The following ADGRL3 variants were observed in gnomAD, a reference collection of about 807,000 sequenced individuals.
ADGRL3 encodes the protein adhesion G protein-coupled receptor L3.
Under a neutral mutation model 153.5 loss-of-function variants are expected in ADGRL3, and 62 were observed. That is an observed-to-expected ratio of 0.40 (90% CI 0.33 to 0.50). The LOEUF (loss-of-function observed/expected upper bound fraction) is 0.50, where lower values mean the gene tolerates loss of function less well. Among genes scored for constraint, ADGRL3 ranks in the 20% least tolerant of loss-of-function variants. The pLI, the probability that ADGRL3 is intolerant of heterozygous loss-of-function variation, is 0.47. For synonymous variants in ADGRL3, 710 were observed against 672.5 expected, an observed-to-expected ratio of 1.06 and a Z score of -0.86; for missense variants, 1,641 against 1,859.4, an observed-to-expected ratio of 0.88 and a Z score of 2.16.
chr4:61,391,237 G>A (rs2096798108), intron 2 of ADGRL3, among the ~76,000 whole-genome samples: 1 of 152,158 alleles, frequency 6.6e-6, no homozygotes, highest in African/African-American at 2.4e-5. Context: ...GGAATTTACT[G>A]TCATGGCAGA....
intron 9 of ADGRL3, among the ~76,000 whole-genome samples, chr4:61,847,276 G>T (rs769270537): frequency 1.3e-5 from 2 of 151,518 alleles, no homozygotes; most frequent in Non-Finnish European, 2.9e-5. Flanking sequence ...TCCTAGGTAT[G>T]AAATTTCCAA....
chr4:61,371,071 T>C (rs1341078561), intron 1 of ADGRL3, among the ~76,000 whole-genome samples: 2 of 150,690 alleles, frequency 1.3e-5, no homozygotes, highest in African/African-American at 4.9e-5. Context: ...TTTTTTGTTT[T>C]CCATTTGCTT....
intron 6 of ADGRL3, among the ~76,000 whole-genome samples, chr4:61,708,675 A>G (rs574687507): frequency 2.6e-4 from 40 of 152,306 alleles, no homozygotes; most frequent in Middle Eastern, 6.8e-3. Context: ...AGAATACAAA[A>G]ACAATAAAAA....
intron 5 of ADGRL3, among the ~76,000 whole-genome samples, chr4:61,675,700 A>G (rs2095167136): frequency 6.8e-6 from 1 of 146,248 alleles, no homozygotes; most frequent in East Asian, 2.0e-4. Context: ...CAATGTGTAT[A>G]TTCATGGGAA....
At position 61,998,165 on chromosome 4, in the gene ADGRL3, G is replaced by A. The variant is rs369379598; in HGVS notation, c.3304-9G>A. 48 of 1,484,826 alleles carry A rather than the reference G, an allele frequency of 3.2e-5. No homozygotes were observed. Among genetic ancestry groups the A allele is most frequent in the Middle Eastern group, 1.8e-4 (1 of 5,616 alleles). 92.0% of individuals were successfully genotyped at this position (1,484,826 alleles called of 1,614,324 possible). ...ATTATGCTACATAACACTACCTTTTGCATTCCAGCTTAATGTAATCTTCCT... is the reference window on the plus strand; with the variant it reads ...ATTATGCTACATAACACTACCTTTTACATTCCAGCTTAATGTAATCTTCCT... On this transcript the variant is annotated splice_polypyrimidine_tract_variant and intron_variant, in intron 20 of 26. Coordinates refer to ENST00000683033, the MANE Select transcript of ADGRL3 (RefSeq NM_001387552.1).
chr4:61,365,729 A>G (rs1248241085), intron 1 of ADGRL3, among the ~76,000 whole-genome samples: 3 of 152,356 alleles, frequency 2.0e-5, no homozygotes, highest in East Asian at 3.9e-4. Context: ...GTAGATCACC[A>G]GTTAGTATCT....
chr4:61,569,232 ATTTATT>A (rs2098828782), intron 4 of ADGRL3, among the ~76,000 whole-genome samples: 1 of 152,144 alleles, frequency 6.6e-6, no homozygotes, highest in Non-Finnish European at 1.5e-5. Flanking sequence ...TTATGATAAA[ATTTATT>A]TTTATTATTT....
chr4:61,596,509 G>A lies in ADGRL3; in HGVS notation c.473+9069G>A, dbSNP rs2098989653. 2.6e-5 allele frequency among the ~76,000 whole-genome samples: 4 copies of A among 152,184 alleles called. No individual in the cohort carries two copies. In the South Asian group the frequency reaches 8.3e-4, roughly 32 times the overall value. ...ATTCTGATTTTATTTTTCATTCTCT[G>A]CCAGAGCTCAACTTACACTGAAAAC... On this transcript the variant is annotated intron_variant, in intron 5 of 26. Coordinates refer to ENST00000683033, the MANE Select transcript of ADGRL3 (RefSeq NM_001387552.1).
At chr4:61,570,428 T>G (rs193298238) in intron 4 of ADGRL3, among the ~76,000 whole-genome samples, 67 of 152,264 alleles carry the variant, frequency 4.4e-4, no homozygotes, top group African/African-American at 1.5e-3. Flanking sequence ...ATTATCATCT[T>G]GTTATTCCTT....
intron 2 of ADGRL3, among the ~76,000 whole-genome samples, chr4:61,490,398 T>C (rs2098245502): frequency 6.6e-6 from 1 of 152,090 alleles, no homozygotes; most frequent in South Asian, 2.1e-4. Flanking sequence ...CTCCTCCTTC[T>C]TTAATGCAGG....
intron 8 of ADGRL3, among the ~76,000 whole-genome samples, chr4:61,784,711 T>G (rs2097257309): frequency 6.6e-6 from 1 of 152,106 alleles, no homozygotes; most frequent in Non-Finnish European, 1.5e-5. Context: ...GGTATCAGCT[T>G]TTAGGAAGAA....
At chr4:61,888,174 C>T (rs2098550049) in intron 9 of ADGRL3, among the ~76,000 whole-genome samples, 2 of 152,020 alleles carry the variant, frequency 1.3e-5, no homozygotes, top group South Asian at 4.1e-4. Context: ...ACAATGAGCA[C>T]AAAAACAGTG....
chr4:62,051,170 A>G (rs200373813), intron 25 of ADGRL3, among the ~76,000 whole-genome samples: 384 of 17,450 alleles, frequency 0.022, no homozygotes, highest in East Asian at 0.2. Context: ...GTGTGTGTGT[A>G]TATATATATA....
At chr4:61,909,028 G>A (rs1027040281) in intron 11 of ADGRL3, among the ~76,000 whole-genome samples, 4 of 152,174 alleles carry the variant, frequency 2.6e-5, no homozygotes, top group Non-Finnish European at 4.4e-5. Context: ...TTGCTACCCA[G>A]CATACTGGGA....
At position 61,367,470 on chromosome 4, in the gene ADGRL3, G is replaced by C. The variant is rs542100488; in HGVS notation, c.-239-15654G>C. 6.0e-4 allele frequency among the ~76,000 whole-genome samples: 90 copies of C among 150,710 alleles called. 1 individual carries two copies. Among genetic ancestry groups the C allele is most frequent in the African/African-American group, 1.9e-3 (80 of 41,084 alleles). ...TTCTCATTGTTCAATTCCCACCTATGAGTGAGAATATGCGGTGTTTGGTTT... is the reference window on the plus strand; with the variant it reads ...TTCTCATTGTTCAATTCCCACCTATCAGTGAGAATATGCGGTGTTTGGTTT... On this transcript the variant is annotated intron_variant, in intron 1 of 26. Coordinates refer to ENST00000683033, the MANE Select transcript of ADGRL3 (RefSeq NM_001387552.1).
At chr4:61,521,923 A>T (rs1231861293) in intron 4 of ADGRL3, among the ~76,000 whole-genome samples, 1 of 152,156 alleles carries the variant, frequency 6.6e-6, no homozygotes, top group East Asian at 1.9e-4. Context: ...TAAAAATGTT[A>T]TGTGTTTAGC....
chr4:61,986,311 T>C (rs984685493), intron 19 of ADGRL3, among the ~76,000 whole-genome samples: 3 of 152,234 alleles, frequency 2.0e-5, no homozygotes, highest in Non-Finnish European at 4.4e-5. Flanking sequence ...ATTTTTCTTT[T>C]ACATCAATTT....
In ADGRL3 at chr4:61,200,901, GC is replaced by G. The variant is rs1376862044; in HGVS notation, c.-1099del. 6.6e-5 allele frequency among the ~76,000 whole-genome samples: 10 copies of G among 151,724 alleles called. No homozygotes were observed. The highest frequency in any genetic ancestry group is 1.3e-4 in the Non-Finnish European group (9 of 67,936). ...CACCCCACGGGCTCGGGGTTCGCCG[GC>G]CCCCGGGACGCAGCCCTCGGCGGCC... On this transcript the variant is annotated 5_prime_UTR_variant, in exon 1 of 27. An upstream open reading frame in the 5' UTR loses its in-frame stop. Transcript: ENST00000683033.
At chr4:61,619,169 A>G (rs1360726799) in intron 5 of ADGRL3, among the ~76,000 whole-genome samples, 1 of 152,216 alleles carries the variant, frequency 6.6e-6, no homozygotes, top group Non-Finnish European at 1.5e-5. Flanking sequence ...CATTGAAAAC[A>G]GAGTATACAG....
Sources: allele counts gnomAD v4.1 joint callset (sites outside exome capture counted in the v4.1 genomes callset), GRCh38; gene constraint gnomAD v4.1.1; transcripts MANE v1.5; gene names NCBI Gene and HGNC (gene_info 2026-07-23, HGNC 2026-07-21).